The following ZNF182 variants were observed in gnomAD, a reference collection of about 807,000 sequenced individuals.
The protein encoded by ZNF182 is zinc finger protein 182, also known as zinc finger protein 21 (KOX 14).
Under a neutral mutation model 28.1 loss-of-function variants are expected in ZNF182, and 10 were observed. The observed-to-expected ratio is 0.36, with a 90% CI of 0.22 to 0.60. The LOEUF (loss-of-function observed/expected upper bound fraction) is 0.60. Ranked by LOEUF, ZNF182 falls within the 20% of genes least tolerant of loss-of-function variation. The probability of loss-of-function intolerance (pLI) is 0.75; values close to 1 mark genes in which losing one functional copy is unlikely to be tolerated. For missense variants in ZNF182, 352 were observed against 453.2 expected (o/e 0.78, Z 2.03); for synonymous variants, 156 against 158.7 (o/e 0.98, Z 0.13).
intron 3 of ZNF182, among the ~76,000 whole-genome samples, chrX:47,994,182 C>CA (rs1172168110): frequency 9.0e-6 from 1 of 111,646 alleles, no homozygotes; most frequent in East Asian, 2.8e-4. Context: ...ACAACAACAA[C>CA]AAAAAAACAA....
chrX:47,991,352 C>A (rs781938989), intron 3 of ZNF182, among the ~76,000 whole-genome samples: 1 of 111,961 alleles, frequency 8.9e-6, no homozygotes, highest in Non-Finnish European at 1.9e-5. Context: ...GCCTCCACAG[C>A]TGTGAGAACA....
At chrX:47,989,520 CTCAA>C (rs2058934518) in intron 3 of ZNF182, among the ~76,000 whole-genome samples, 1 of 110,646 alleles carries the variant, frequency 9.0e-6, no homozygotes, top group Non-Finnish European at 1.9e-5. Context: ...AATGCATGAC[CTCAA>C]TCAAACCATG....
At chrX:47,992,325 A>G (rs2058944664) in intron 3 of ZNF182, among the ~76,000 whole-genome samples, 1 of 111,813 alleles carries the variant, frequency 8.9e-6, no homozygotes, top group South Asian at 3.7e-4. Context: ...CACAGTCTCC[A>G]GTCCTCCATC....
chrX:48,000,699 T>C (rs1603228907), intron 3 of ZNF182, among the ~76,000 whole-genome samples: 1 of 112,548 alleles, frequency 8.9e-6, no homozygotes, highest in African/African-American at 3.2e-5. Flanking sequence ...GCATGATCCA[T>C]AAATAAATGA....
rs73632374 is a variant in ZNF182 at position 48,001,917 on chromosome X, A to G, written c.15+678T>C. Reference sequence around the variant, plus strand: ...GTTTTTTTGGGGTGATGAAACTATTATCTATCCTATAGATTAGTTACACCA... The same window carrying G: ...GTTTTTTTGGGGTGATGAAACTATTGTCTATCCTATAGATTAGTTACACCA... On this transcript the variant is annotated intron_variant, in intron 3 of 5. Coordinates refer to ENST00000376943, the MANE Select transcript of ZNF182 (RefSeq NM_001007088.2). Among the ~76,000 whole-genome samples the G allele has an allele frequency of 3.0e-3, 331 of 111,488 alleles. 1 individual carries two copies. Among genetic ancestry groups the G allele is most frequent in the African/African-American group, 0.01 (314 of 30,642 alleles).
In ZNF182 at chrX:47,976,782, A is replaced by G. The variant is rs782072071; in HGVS notation, c.1248T>C (p.Cys416=). 1.7e-6 allele frequency: 2 copies of G among 1,211,228 alleles called. No homozygotes were observed. Among genetic ancestry groups the G allele is most frequent in the East Asian group, 5.9e-5 (2 of 33,808 alleles). Residue 416 remains cysteine (C), a synonymous_variant, in exon 6 of 6, where the codon TGT becomes TGC. Coordinates refer to ENST00000376943, the MANE Select transcript of ZNF182 (RefSeq NM_001007088.2). ...TTGACTTTTGCGTGAAGGTTTTTCCACACACATCACATTCATAGGGTTTCT... is the reference window on the plus strand; with the variant it reads ...TTGACTTTTGCGTGAAGGTTTTTCCGCACACATCACATTCATAGGGTTTCT... The part of the protein sequence containing the change: ...TGEKPYECDV[C]GKTFTQKSNL...
intron 3 of ZNF182, among the ~76,000 whole-genome samples, chrX:47,990,270 CG>C (rs2058937096): frequency 9.0e-6 from 1 of 111,455 alleles, no homozygotes; most frequent in Admixed American, 9.5e-5. Flanking sequence ...TACTCAATAA[CG>C]GGGTCTCTAA....
Position 47,975,184 on chromosome X carries a change from T to C in ZNF182, c.*983A>G, listed in dbSNP as rs2058877931. On this transcript the variant is annotated 3_prime_UTR_variant, in exon 6 of 6. Coordinates refer to ENST00000376943, the MANE Select transcript of ZNF182 (RefSeq NM_001007088.2). ...TACATAAATGGTTTCCAAGTTCTCC[T>C]TATTTATTCATTGTTGTCTACCCAG... The C allele has an allele frequency of 8.9e-6, 1 of 112,575 alleles. No homozygotes were observed. Among genetic ancestry groups the C allele is most frequent in the Non-Finnish European group, 1.9e-5 (1 of 53,300 alleles). The allele number at this position is 112,575 out of a possible 1,213,427, so 9.3% of individuals were successfully genotyped here. A position where few individuals can be genotyped will look rare whatever the true frequency, so the allele number is the denominator to read the frequency against.
intron 3 of ZNF182, among the ~76,000 whole-genome samples, chrX:47,998,062 A>C (rs1172711244): frequency 9.1e-6 from 1 of 110,152 alleles, no homozygotes; most frequent in African/African-American, 3.3e-5. Context: ...AAACAACAGA[A>C]TATACATTCT....
At chrX:48,001,052 G>A (rs942264080) in intron 3 of ZNF182, among the ~76,000 whole-genome samples, 5 of 112,329 alleles carry the variant, frequency 4.5e-5, no homozygotes, top group African/African-American at 1.3e-4. Context: ...ACCAAGTACT[G>A]ACAAAAATAT....
chrX:47,993,928 C>G (rs1251787333), intron 3 of ZNF182, among the ~76,000 whole-genome samples: 1 of 111,020 alleles, frequency 9.0e-6, no homozygotes, highest in Non-Finnish European at 1.9e-5. Flanking sequence ...CATTGCCATT[C>G]CAGAAGGAGA....
At chrX:47,993,843 A>C (rs1389860593) in intron 3 of ZNF182, among the ~76,000 whole-genome samples, 1 of 111,603 alleles carries the variant, frequency 9.0e-6, no homozygotes, top group East Asian at 2.8e-4. Flanking sequence ...AAAAACAAGA[A>C]AAAGAAAACT....
chrX:47,977,585 C>A lies in ZNF182; in HGVS notation c.445G>T (p.Val149Leu), dbSNP rs781993092. 8.3e-7 allele frequency: 1 copy of A among 1,206,596 alleles called. No homozygotes were observed. Among genetic ancestry groups the A allele is most frequent in the East Asian group, 3.0e-5 (1 of 33,788 alleles). The part of the protein sequence containing the change: ...DKHESFGNNM[V>L]DNLDLFSRSS... The stretch of plus-strand genomic sequence containing the variant: ...CTACTAAATAAGTCTAAATTATCTA[C>A]CATATTATTTCCAAATGATTCGTGT... The change falls in exon 6 of 6, where the codon GTA becomes TTA. Residue 149 changes from valine (V) to leucine (L), a missense_variant. By Grantham distance (32) the Val-to-Leu change is conservative. Coordinates refer to ENST00000376943, the MANE Select transcript of ZNF182 (RefSeq NM_001007088.2).
chrX:47,998,616 G>A (rs782118549), intron 3 of ZNF182, among the ~76,000 whole-genome samples: 185 of 112,478 alleles, frequency 1.6e-3, no homozygotes, highest in Non-Finnish European at 3.0e-3. Context: ...CAGCACTTTG[G>A]GAGGCCGAGG....
In ZNF182 at chrX:47,994,786, C is replaced by T. The variant is rs187379563; in HGVS notation, c.15+7809G>A. 1.7e-3 allele frequency among the ~76,000 whole-genome samples: 191 copies of T among 110,429 alleles called. 2 individuals are homozygous for T. Among genetic ancestry groups the T allele is most frequent in the African/African-American group, 6.0e-3 (184 of 30,435 alleles). ...CCTGAGTAGCTGAGATTACAGGCAC[C>T]TGCCACCACACCTAGCTAATTTTTG... On this transcript the variant is annotated intron_variant, in intron 3 of 5. Coordinates refer to ENST00000376943, the MANE Select transcript of ZNF182 (RefSeq NM_001007088.2).
chrX:47,975,826 T>C lies in ZNF182; in HGVS notation c.*341A>G, dbSNP rs1171676409. The C allele has an allele frequency of 1.2e-5, 2 of 167,211 alleles. No homozygotes were observed. Among genetic ancestry groups the C allele is most frequent in the Non-Finnish European group, 2.3e-5 (2 of 88,790 alleles). 13.8% of individuals were successfully genotyped at this position (167,211 alleles called of 1,213,427 possible). A position where few individuals can be genotyped will look rare whatever the true frequency, so the allele number is the denominator to read the frequency against. On this transcript the variant is annotated 3_prime_UTR_variant, in exon 6 of 6. Transcript: ENST00000376943. ...ACTGTTATATCTATGGTTCCGCGCC[T>C]CGGGGTATATCCCGAACCTCAGCTA...
intron 3 of ZNF182, among the ~76,000 whole-genome samples, chrX:47,991,826 C>T (rs1556900494): frequency 1.8e-5 from 2 of 111,290 alleles, no homozygotes; most frequent in Non-Finnish European, 3.8e-5. Flanking sequence ...AAACCCCCAA[C>T]CTAGCAACAG....
chrX:47,997,510 C>T (rs1382051164), intron 3 of ZNF182, among the ~76,000 whole-genome samples: 4 of 108,298 alleles, frequency 3.7e-5, no homozygotes, highest in African/African-American at 1.0e-4. Context: ...AAAAATTCAC[C>T]GGCCAGGCAC....
chrX:48,000,141 A>C (rs782123211), intron 3 of ZNF182, among the ~76,000 whole-genome samples: 1 of 111,742 alleles, frequency 8.9e-6, no homozygotes, highest in East Asian at 2.8e-4. Flanking sequence ...ATCTCAAAAA[A>C]AAATTAAAAC....
Sources: gnomAD v4.1 joint callset for allele counts (sites outside exome capture counted in the v4.1 genomes callset) on GRCh38, gnomAD v4.1.1 for gene constraint, MANE v1.5 for transcripts, NCBI Gene and HGNC (gene_info 2026-07-23, HGNC 2026-07-21) for gene names.